Variants in CACNB2 observed in about 807,000 individuals in gnomAD.
CACNB2 encodes calcium voltage-gated channel auxiliary subunit beta 2, also known as voltage-dependent L-type calcium channel subunit beta-2.
CACNB2 carries 42 observed loss-of-function variants against 73.3 expected under a neutral mutation model. That is an observed-to-expected ratio of 0.57 (90% confidence interval 0.45 to 0.74). The LOEUF is 0.74. Among genes scored for constraint, CACNB2 ranks in the 30% least tolerant of loss-of-function variants. The pLI is 0.00. For missense variants in CACNB2, 940 were observed against 853.0 expected, an observed-to-expected ratio of 1.10 and a Z score of -1.27; for synonymous variants, 348 against 310.3, an observed-to-expected ratio of 1.12 and a Z score of -1.28.
intron 2 of CACNB2, among the ~76,000 whole-genome samples, chr10:18,398,073 C>T (rs368672455): frequency 3.3e-5 from 5 of 152,146 alleles, no homozygotes; most frequent in Admixed American, 1.3e-4. Context: ...GTTATGGAAA[C>T]GACCGCCAGC....
At chr10:18,282,991 C>A (rs1251738446) in intron 2 of CACNB2, among the ~76,000 whole-genome samples, 1 of 152,116 alleles carries the variant, frequency 6.6e-6, no homozygotes, top group African/African-American at 2.4e-5. Context: ...TCAAACAACC[C>A]CATCAAAAAG....
At chr10:18,281,733 C>A (rs1045615181) in intron 2 of CACNB2, among the ~76,000 whole-genome samples, 3 of 152,016 alleles carry the variant, frequency 2.0e-5, no homozygotes, top group South Asian at 2.1e-4. Flanking sequence ...CATTATAGCA[C>A]TTTTGGAGGC....
At chr10:18,334,388 G>T (rs75778778) in intron 2 of CACNB2, among the ~76,000 whole-genome samples, 2 of 152,156 alleles carry the variant, frequency 1.3e-5, no homozygotes, top group African/African-American at 4.8e-5. Flanking sequence ...GACCCACGGG[G>T]GTCTGGTTTT....
chr10:18,307,384 C>T (rs1353796859), intron 2 of CACNB2, among the ~76,000 whole-genome samples: 1 of 152,256 alleles, frequency 6.6e-6, no homozygotes, highest in African/African-American at 2.4e-5. Flanking sequence ...ATCACTTGAA[C>T]CTGAAAGGTG....
intron 2 of CACNB2, among the ~76,000 whole-genome samples, chr10:18,193,136 T>A (rs900434220): frequency 6.6e-6 from 1 of 152,186 alleles, no homozygotes. Context: ...TCAGGGTAAT[T>A]AGCATATCCA....
At chr10:18,145,683 A>T (rs1410127417) in intron 1 of CACNB2, among the ~76,000 whole-genome samples, 1 of 152,166 alleles carries the variant, frequency 6.6e-6, no homozygotes, top group African/African-American at 2.4e-5. Context: ...ATACTCTACA[A>T]TTTTGTGGCA....
intron 2 of CACNB2, among the ~76,000 whole-genome samples, chr10:18,354,547 G>A (rs2041836510): frequency 1.3e-5 from 2 of 152,328 alleles, no homozygotes; most frequent in Admixed American, 1.3e-4. Flanking sequence ...TGAGGTCACA[G>A]AAGATGAAGG....
At chr10:18,475,642 T>C (rs1476644883) in intron 3 of CACNB2, among the ~76,000 whole-genome samples, 1 of 152,118 alleles carries the variant, frequency 6.6e-6, no homozygotes, top group Non-Finnish European at 1.5e-5. Flanking sequence ...TTACCCCAAA[T>C]AACAAATCAT....
intron 3 of CACNB2, among the ~76,000 whole-genome samples, chr10:18,450,715 T>TG (rs1321848645): frequency 3.4e-5 from 5 of 146,610 alleles, no homozygotes; most frequent in African/African-American, 1.3e-4. Flanking sequence ...CGCCGCCCCC[T>TG]GGGTTCAAGC....
intron 3 of CACNB2, among the ~76,000 whole-genome samples, chr10:18,470,736 G>A (rs140343759): frequency 3.3e-5 from 5 of 152,114 alleles, no homozygotes; most frequent in Admixed American, 6.6e-5. Context: ...TGTCTTCAGC[G>A]TCTGGCACCT....
chr10:18,349,728 A>T (rs1484930543), intron 2 of CACNB2, among the ~76,000 whole-genome samples: 1 of 143,404 alleles, frequency 7.0e-6, no homozygotes, highest in Non-Finnish European at 1.5e-5. Context: ...AGATGATTTA[A>T]AAAAAAAAAA....
At chr10:18,287,867 A>G (rs1308742825) in intron 2 of CACNB2, among the ~76,000 whole-genome samples, 1 of 152,048 alleles carries the variant, frequency 6.6e-6, no homozygotes, top group Non-Finnish European at 1.5e-5. Context: ...AAACAAAACA[A>G]AAAAACAGAG....
chr10:18,191,486 G>A (rs1412738164), intron 2 of CACNB2, among the ~76,000 whole-genome samples: 1 of 151,966 alleles, frequency 6.6e-6, no homozygotes, highest in Non-Finnish European at 1.5e-5. Flanking sequence ...GGTGGTATTT[G>A]GTTACATGAG....
chr10:18,371,190 A>C (rs1029525767), intron 2 of CACNB2, among the ~76,000 whole-genome samples: 1 of 148,998 alleles, frequency 6.7e-6, no homozygotes, highest in Non-Finnish European at 1.5e-5. Flanking sequence ...ATTACTGTTA[A>C]GTTTACTGTT....
chr10:18,511,482 C>T (rs12772058), intron 6 of CACNB2, among the ~76,000 whole-genome samples: 26,452 of 152,210 alleles, frequency 0.17, 2,407 homozygotes, highest in Admixed American at 0.21. Context: ...GAAGAAGCTG[C>T]TGTGAGCAGT....
chr10:18,280,413 G>A (rs2038491266), intron 2 of CACNB2, among the ~76,000 whole-genome samples: 1 of 152,146 alleles, frequency 6.6e-6, no homozygotes, highest in South Asian at 2.1e-4. Context: ...CCCGAGCCAA[G>A]ATTTGAACAC....
intron 2 of CACNB2, among the ~76,000 whole-genome samples, chr10:18,180,174 G>C (rs1016758806): frequency 2.8e-4 from 42 of 152,146 alleles, no homozygotes; most frequent in Admixed American, 1.6e-3. Flanking sequence ...TCTCTGGAGG[G>C]AGAGGAATGA....
At chr10:18,346,706 C>G (rs1035130154) in intron 2 of CACNB2, among the ~76,000 whole-genome samples, 3 of 152,038 alleles carry the variant, frequency 2.0e-5, no homozygotes, top group African/African-American at 2.4e-5. Context: ...AAGCCATCAT[C>G]CCATCTCAGC....
At chr10:18,378,525 G>A (rs1007590996) in intron 2 of CACNB2, among the ~76,000 whole-genome samples, 1 of 152,186 alleles carries the variant, frequency 6.6e-6, no homozygotes, top group African/African-American at 2.4e-5. Context: ...AAGGCAGGGG[G>A]ATCACTTGAG....
Sources: allele counts gnomAD v4.1 joint callset (sites outside exome capture counted in the v4.1 genomes callset), GRCh38; gene constraint gnomAD v4.1.1; transcripts MANE v1.5; gene names NCBI Gene and HGNC (gene_info 2026-07-23, HGNC 2026-07-21).